Variants in PCDHGA7 observed in about 807,000 individuals in gnomAD.
The protein encoded by PCDHGA7 is protocadherin gamma subfamily A, 7, also known as protocadherin gamma-A7.
Under a neutral mutation model 58.3 loss-of-function variants are expected in PCDHGA7, and 44 were observed. The observed-to-expected ratio is 0.75, with a 90% CI of 0.59 to 0.97. PCDHGA7 has a LOEUF of 0.97. Ranked by LOEUF, PCDHGA7 falls within the 50% of genes least tolerant of loss-of-function variation. The pLI, the probability that PCDHGA7 is intolerant of heterozygous loss-of-function variation, is 0.00. For missense variants in PCDHGA7, 1,266 were observed against 1,188.7 expected (o/e 1.06, Z -0.96); for synonymous variants, 516 against 504.2 (o/e 1.02, Z -0.31).
Position 141,493,435 on chromosome 5 carries a change from G to T in PCDHGA7, c.2425-1372G>T, listed in dbSNP as rs150678406. On this transcript the variant is annotated intron_variant, in intron 1 of 3. Coordinates refer to ENST00000518325, the MANE Select transcript of PCDHGA7 (RefSeq NM_018920.4). The surrounding 1 kb of genome is among the most constrained non-coding windows in gnomAD (Gnocchi z 4.3). ...TGGGATTTTGCTTCTGCTGGGATGG[G>T]GCAAGGGTGGGGTTCCTTCCCTTTT... Among the ~76,000 whole-genome samples the T allele has an allele frequency of 6.6e-5, 10 of 152,294 alleles. No individual in the cohort carries two copies. In the East Asian group the frequency reaches 1.7e-3, roughly 26 times the overall value.
At chr5:141,403,136 C>G in intron 1 of PCDHGA7, 1 of 1,614,006 alleles carries the variant, frequency 6.2e-7, no homozygotes. Flanking sequence ...GCTGGCGGAG[C>G]GCCGAGTCCG....
At chr5:141,395,494 T>G in intron 1 of PCDHGA7, 3 of 484,122 alleles carry the variant, frequency 6.2e-6, no homozygotes, top group Middle Eastern at 5.6e-4. Context: ...TTATCACTCA[T>G]TCACTTAAGA....
intron 1 of PCDHGA7, among the ~76,000 whole-genome samples, chr5:141,443,122 A>C (rs1239492679): frequency 6.6e-6 from 1 of 152,138 alleles, no homozygotes; most frequent in East Asian, 1.9e-4. Flanking sequence ...TTCAAACCAG[A>C]TTAAGAACAC....
At chr5:141,403,218 G>A in intron 1 of PCDHGA7, 1 of 1,613,968 alleles carries the variant, frequency 6.2e-7, no homozygotes. Flanking sequence ...ACCGCGGGTA[G>A]GATAGACCGG....
Position 141,485,373 on chromosome 5 carries a change from C to T in PCDHGA7, c.2425-9434C>T. 2 of 1,614,136 alleles carry T rather than the reference C, an allele frequency of 1.2e-6. No homozygotes were observed. Among genetic ancestry groups the T allele is most frequent in the East Asian group, 2.2e-5 (1 of 44,868 alleles). On this transcript the variant is annotated intron_variant, in intron 1 of 3. Transcript: ENST00000518325. This position sits in a 1 kb window ranked among gnomAD's most constrained non-coding sequence, Gnocchi z 5.7. ...CTGTCAGCTCGCAGGCTGCAGGTCG[C>T]TGGAGAGGTGAACCAAAGACACTTC... is the stretch of plus-strand genomic sequence containing the variant.
chr5:141,394,805 G>A, intron 1 of PCDHGA7: 1 of 1,613,860 alleles, frequency 6.2e-7, no homozygotes, highest in Non-Finnish European at 8.5e-7. Context: ...CCGTAGCCGT[G>A]GCTGACAGCA....
intron 1 of PCDHGA7, chr5:141,388,083 C>A (rs942656707): frequency 1.5e-6 from 2 of 1,358,264 alleles, no homozygotes; most frequent in South Asian, 1.3e-5. Flanking sequence ...TCGAAAACTG[C>A]GCGTCAGTTC....
intron 1 of PCDHGA7, chr5:141,400,435 A>G (rs2094019562): frequency 6.2e-7 from 1 of 1,614,078 alleles, no homozygotes. Flanking sequence ...TGAGCAATTG[A>G]GTTCAGGACA....
chr5:141,415,101 C>T, intron 1 of PCDHGA7: 1 of 1,613,550 alleles, frequency 6.2e-7, no homozygotes, highest in South Asian at 1.1e-5. Context: ...GAGACGCGCT[C>T]AAGCAAAGCC....
At chr5:141,405,277 T>C (rs770051288) in intron 1 of PCDHGA7, 5 of 1,614,196 alleles carry the variant, frequency 3.1e-6, no homozygotes, top group Non-Finnish European at 4.2e-6. Context: ...AGCCCAACTA[T>C]GCAGACACAC....
chr5:141,410,402 A>G, intron 1 of PCDHGA7: 1 of 1,614,008 alleles, frequency 6.2e-7, no homozygotes, highest in South Asian at 1.1e-5. Flanking sequence ...TCTCTGTGTC[A>G]AGTCTGGACC....
intron 1 of PCDHGA7, among the ~76,000 whole-genome samples, chr5:141,386,239 T>C (rs940209503): frequency 2.0e-5 from 3 of 152,238 alleles, no homozygotes; most frequent in Non-Finnish European, 2.9e-5. Flanking sequence ...AAAAATTCAG[T>C]TGGAAATAAC....
intron 1 of PCDHGA7, among the ~76,000 whole-genome samples, chr5:141,449,594 A>T (rs2098647409): frequency 6.6e-6 from 1 of 150,814 alleles, no homozygotes; most frequent in Non-Finnish European, 1.5e-5. Context: ...GTCTCAAAAA[A>T]AAAAAAAAAA....
chr5:141,396,804 G>A lies in PCDHGA7; in HGVS notation c.2424+11481G>A, dbSNP rs189942396. On this transcript the variant is annotated intron_variant, in intron 1 of 3. Coordinates refer to ENST00000518325, the MANE Select transcript of PCDHGA7 (RefSeq NM_018920.4). ...AAGGACATTTCCTAAGGATTGTGTA[G>A]TGTTCTACTGTATGGTGCATATTCA... Among the ~76,000 whole-genome samples the A allele has an allele frequency of 2.8e-4, 42 of 152,300 alleles. 1 individual carries two copies. The highest frequency in any genetic ancestry group is 9.6e-4 in the African/African-American group (40 of 41,552).
rs759191157 is a variant in PCDHGA7, at chr5:141,485,768, C to T, written c.2425-9039C>T. Reference sequence around the variant, plus strand: ...GGTCCCAGAGCTGCTCCTGGAGAAGCCTTTGGATCGAGAGAAGCAATCGGA... The same window carrying T: ...GGTCCCAGAGCTGCTCCTGGAGAAGTCTTTGGATCGAGAGAAGCAATCGGA... On this transcript the variant is annotated intron_variant, in intron 1 of 3. Transcript: ENST00000518325. This position sits in a 1 kb window ranked among gnomAD's most constrained non-coding sequence, Gnocchi z 5.7. The T allele has an allele frequency of 5.6e-6, 9 of 1,614,074 alleles. No individual in the cohort carries two copies. The highest frequency in any genetic ancestry group is 1.7e-5 in the Admixed American group (1 of 60,000).
At chr5:141,442,205 A>G (rs2098308049) in intron 1 of PCDHGA7, 1 of 153,214 alleles carries the variant, frequency 6.5e-6, no homozygotes, top group Admixed American at 6.5e-5. Context: ...ATATCTGGTG[A>G]TTGCCTTAGC....
Position 141,383,684 on chromosome 5 carries a change from T to C in PCDHGA7, c.785T>C (p.Leu262Pro). Residue 262 changes from leucine to proline, a missense_variant, in exon 1 of 4, where the codon CTC becomes CCC. Transcript: ENST00000518325. ...AATGTGCCAGTGGGTACAAGACTGC[T>C]CACGGTACATGCTATCGACCTGGAC... ...PENVPVGTRL[L>P]TVHAIDLDEG... The C allele has an allele frequency of 3.1e-6, 5 of 1,614,014 alleles. No homozygotes were observed. Among genetic ancestry groups the C allele is most frequent in the Non-Finnish European group, 4.2e-6 (5 of 1,179,886 alleles).
rs371232283 is a variant in PCDHGA7, at chr5:141,390,337, C to T, written c.2424+5014C>T. ...CATTGCCTACCCATTTCTCCATATT[C>T]ACAAGAAAATATACATATTTGCAGG... On this transcript the variant is annotated intron_variant, in intron 1 of 3. Coordinates refer to ENST00000518325, the MANE Select transcript of PCDHGA7 (RefSeq NM_018920.4). 9.4e-6 allele frequency: 15 copies of T among 1,595,800 alleles called. No homozygotes were observed. In the African/African-American group the frequency reaches 1.5e-4, roughly 16 times the overall value.
At position 141,425,978 on chromosome 5, in the gene PCDHGA7, A is replaced by T. The variant is rs182438141; in HGVS notation, c.2424+40655A>T. Among the ~76,000 whole-genome samples the T allele has an allele frequency of 3.9e-3, 592 of 152,340 alleles. 5 individuals carry two copies. Among genetic ancestry groups the T allele is most frequent in the African/African-American group, 0.014 (563 of 41,588 alleles). ...AGTCCAACACATCAGTCTAATTCTG[A>T]ATCCCATTGAATTAGCAAAGGCTTC... On this transcript the variant is annotated intron_variant, in intron 1 of 3. Coordinates refer to ENST00000518325, the MANE Select transcript of PCDHGA7 (RefSeq NM_018920.4).
Sources: gnomAD v4.1 joint callset for allele counts (sites outside exome capture counted in the v4.1 genomes callset) on GRCh38, gnomAD v4.1.1 for gene constraint, Gnocchi (gnomAD v3.1) non-coding constraint, MANE v1.5 for transcripts, NCBI Gene and HGNC (gene_info 2026-07-23, HGNC 2026-07-21) for gene names.